The following RANBP17 variants were observed in gnomAD, a reference collection of about 807,000 sequenced individuals.
RANBP17 encodes the protein RAN binding protein 17, also known as ran-binding protein 17.
In RANBP17, 158 loss-of-function variants were observed where a neutral mutation model predicts 141.2. The observed-to-expected ratio is 1.12, with a 90% CI of 0.98 to 1.28. RANBP17 has a LOEUF of 1.28. Ranked by LOEUF, RANBP17 falls within the 50% of genes most tolerant of loss-of-function variation. The pLI is 0.00. For synonymous variants in RANBP17, 430 were observed against 450.0 expected (o/e 0.96, Z 0.56); for missense variants, 1,438 against 1,290.7 (o/e 1.11, Z -1.75).
Position 171,201,678 on chromosome 5 carries a change from T to A in RANBP17, c.2142+1905T>A, listed in dbSNP as rs534964185. On this transcript the variant is annotated intron_variant, in intron 19 of 27. Transcript: ENST00000523189. ...TTGTTGTGACAGACCTTTAGTAAAT[T>A]CTACTGTAAGCACCATCTGTCTAAT... Among the ~76,000 whole-genome samples, 4 of 152,360 alleles carry A rather than the reference T, an allele frequency of 2.6e-5. No individual in the cohort carries two copies. The South Asian group carries it at 8.3e-4, about 32-fold the overall frequency.
chr5:170,907,412 A>G (rs182025554), intron 5 of RANBP17, among the ~76,000 whole-genome samples: 1 of 151,956 alleles, frequency 6.6e-6, no homozygotes, highest in African/African-American at 2.4e-5. Context: ...TTTTCGCTCT[A>G]TTTTTACCTT....
rs146581540 is a variant in RANBP17, at chr5:171,298,744, T to C, written c.3171-18T>C. The C allele has an allele frequency of 6.5e-4, 1,043 of 1,603,622 alleles. 6 individuals carry two copies. In the African/African-American group the frequency reaches 0.013, roughly 19 times the overall value. On this transcript the variant is annotated intron_variant, in intron 27 of 27. Coordinates refer to ENST00000523189, the MANE Select transcript of RANBP17 (RefSeq NM_022897.5). ...TTGCCTCATTACTACCCTTGACCCTTTCTTCCTCTTTCTGCAGGTTCACCC... is the reference window on the plus strand; with the variant it reads ...TTGCCTCATTACTACCCTTGACCCTCTCTTCCTCTTTCTGCAGGTTCACCC...
chr5:171,194,766 A>C (rs927760993), intron 18 of RANBP17, among the ~76,000 whole-genome samples: 1 of 152,222 alleles, frequency 6.6e-6, no homozygotes, highest in Non-Finnish European at 1.5e-5. Context: ...TAATTTTTTA[A>C]GCAACTGCCA....
In RANBP17 at chr5:170,909,737, T is replaced by G. The variant is rs1453893565; in HGVS notation, c.566T>G (p.Leu189Ter). 1.3e-6 allele frequency: 2 copies of G among 1,579,700 alleles called. No individual in the cohort carries two copies. The highest frequency in any genetic ancestry group is 1.7e-6 in the Non-Finnish European group (2 of 1,150,388). Residue 189 changes from leucine to a stop codon, truncating the protein, a stop_gained, in exon 6 of 28, where the codon TTA (leucine) becomes TGA (stop). Coordinates refer to ENST00000523189, the MANE Select transcript of RANBP17 (RefSeq NM_022897.5). LOFTEE classifies it high-confidence loss of function. Reference protein sequence around the residue: ...SFRDTSLKDVLVLACSLLKEV... With the variant: ...SFRDTSLKDV Reference sequence around the variant, plus strand: ...CGTGATACTTCTCTCAAAGACGTTTTAGTGCTAGCATGCTCTCTTTTAAAA... The same window carrying G: ...CGTGATACTTCTCTCAAAGACGTTTGAGTGCTAGCATGCTCTCTTTTAAAA...
intron 24 of RANBP17, chr5:171,252,835 A>C: frequency 8.1e-7 from 1 of 1,241,618 alleles, no homozygotes. Context: ...TTGTATTGTA[A>C]TAGTTAAGAG....
At chr5:171,156,015 T>C (rs1758870026) in intron 14 of RANBP17, among the ~76,000 whole-genome samples, 1 of 152,164 alleles carries the variant, frequency 6.6e-6, no homozygotes, top group African/African-American at 2.4e-5. Context: ...AGAATTCATT[T>C]GTACATAGAC....
At chr5:171,234,122 G>A (rs1764381143) in intron 22 of RANBP17, among the ~76,000 whole-genome samples, 1 of 152,008 alleles carries the variant, frequency 6.6e-6, no homozygotes, top group Admixed American at 6.6e-5. Flanking sequence ...CATTATTAGA[G>A]TGGTCAAGGT....
intron 13 of RANBP17, among the ~76,000 whole-genome samples, chr5:170,964,195 T>A (rs1776353235): frequency 6.6e-6 from 1 of 152,174 alleles, no homozygotes; most frequent in Non-Finnish European, 1.5e-5. Flanking sequence ...ATTATAATAA[T>A]TTATGCTGTT....
chr5:171,119,110 T>C (rs1011307018), intron 14 of RANBP17, among the ~76,000 whole-genome samples: 2 of 152,236 alleles, frequency 1.3e-5, no homozygotes, highest in Admixed American at 6.5e-5. Flanking sequence ...ACCAGATTTA[T>C]TGAGAATTTT....
chr5:171,158,026 G>C (rs1378313297), intron 14 of RANBP17, among the ~76,000 whole-genome samples: 3 of 152,128 alleles, frequency 2.0e-5, no homozygotes, highest in Admixed American at 6.5e-5. Context: ...ATAATTACAG[G>C]CAATGCTTCC....
chr5:170,888,193 G>A (rs78074557), intron 3 of RANBP17, among the ~76,000 whole-genome samples: 4,452 of 152,186 alleles, frequency 0.029, 216 homozygotes, highest in African/African-American at 0.099. Flanking sequence ...TCGGTATTGT[G>A]TTGGCTTTTG....
chr5:170,973,158 T>C (rs1405799459), intron 14 of RANBP17, among the ~76,000 whole-genome samples: 2 of 152,184 alleles, frequency 1.3e-5, no homozygotes, highest in Admixed American at 1.3e-4. Flanking sequence ...TGTAAGTTTT[T>C]AGTTAAAGGG....
rs1004276073 is a variant in RANBP17, at chr5:171,187,645, G to A, written c.2038+4215G>A. On this transcript the variant is annotated intron_variant, in intron 18 of 27. Transcript: ENST00000523189. ...TTCTGATCATTTGAATTTTTTTAGT[G>A]TATTACTTTTATAATGGTAAAAATT... 3.9e-5 allele frequency among the ~76,000 whole-genome samples: 6 copies of A among 152,128 alleles called. No individual in the cohort carries two copies. The South Asian group carries it at 1.0e-3, about 26-fold the overall frequency.
intron 14 of RANBP17, among the ~76,000 whole-genome samples, chr5:171,070,454 T>G (rs1369570023): frequency 6.6e-6 from 1 of 152,138 alleles, no homozygotes; most frequent in African/African-American, 2.4e-5. Flanking sequence ...TCCTAGAAAT[T>G]AGCTGTTCTT....
chr5:170,980,632 A>G (rs1426639635), intron 14 of RANBP17, among the ~76,000 whole-genome samples: 5 of 152,200 alleles, frequency 3.3e-5, no homozygotes, highest in South Asian at 2.1e-4. Flanking sequence ...TGAGCCTGCA[A>G]ATGCACAGAA....
chr5:171,020,709 G>A (rs1780792636), intron 14 of RANBP17, among the ~76,000 whole-genome samples: 1 of 151,968 alleles, frequency 6.6e-6, no homozygotes, highest in South Asian at 2.1e-4. Context: ...GCACACCAGT[G>A]GGTCTTGACT....
chr5:170,940,309 A>T (rs969470598), intron 12 of RANBP17, among the ~76,000 whole-genome samples: 1 of 152,208 alleles, frequency 6.6e-6, no homozygotes, highest in Non-Finnish European at 1.5e-5. Context: ...TTTGTGTACC[A>T]GGAAGGTACA....
chr5:171,075,532 G>T lies in RANBP17; in HGVS notation c.1711-94598G>T, dbSNP rs370168498. ...GAAAGTACATTATTGATTGCCAAGGGCTGGATACAGGGAGGCTTGGAGAAT... is the reference window on the plus strand; with the variant it reads ...GAAAGTACATTATTGATTGCCAAGGTCTGGATACAGGGAGGCTTGGAGAAT... On this transcript the variant is annotated intron_variant, in intron 14 of 27. Transcript: ENST00000523189. Among the ~76,000 whole-genome samples the T allele has an allele frequency of 4.1e-4, 62 of 152,306 alleles. 1 individual carries two copies. The South Asian group carries it at 0.012, about 31-fold the overall frequency.
At chr5:171,193,119 C>T (rs1761757991) in intron 18 of RANBP17, among the ~76,000 whole-genome samples, 1 of 152,204 alleles carries the variant, frequency 6.6e-6, no homozygotes, top group Admixed American at 6.5e-5. Context: ...CGCCCAGTGC[C>T]TATGTCTCCT....
Sources: allele counts gnomAD v4.1 joint callset (sites outside exome capture counted in the v4.1 genomes callset), GRCh38; gene constraint gnomAD v4.1.1; transcripts MANE v1.5; gene names NCBI Gene and HGNC (gene_info 2026-07-23, HGNC 2026-07-21).